Variants in TMC5 observed in about 807,000 individuals in gnomAD.
The protein encoded by TMC5 is transmembrane channel like 5.
Under a neutral mutation model 110.5 loss-of-function variants are expected in TMC5, and 86 were observed. That is an observed-to-expected ratio of 0.78 (90% CI 0.65 to 0.93). The LOEUF (loss-of-function observed/expected upper bound fraction) is 0.93, where lower values mean the gene tolerates loss of function less well. Among genes scored for constraint, TMC5 ranks in the 40% least tolerant of loss-of-function variants. The pLI is 0.00. For missense variants in TMC5, 1,144 were observed against 1,222.8 expected, an observed-to-expected ratio of 0.94 and a Z score of 0.96; for synonymous variants, 455 against 439.5, an observed-to-expected ratio of 1.04 and a Z score of -0.44.
At chr16:19,427,682 G>T (rs1967112970) in intron 1 of TMC5, among the ~76,000 whole-genome samples, 2 of 151,814 alleles carry the variant, frequency 1.3e-5, no homozygotes, top group Non-Finnish European at 2.9e-5. Flanking sequence ...ATTGTGGGGA[G>T]GCCAGTCTTG....
chr16:19,410,906 C>A (rs1966854272), exon 1 of TMC5: 1 of 152,274 alleles, frequency 6.6e-6, no homozygotes, highest in South Asian at 2.1e-4. Flanking sequence ...TGCGGGGCGC[C>A]CAAGCGTGGC....
Position 19,486,964 on chromosome 16 carries a change from C to T in TMC5, c.2383C>T (p.Pro795Ser). 1 of 1,614,092 alleles carries T rather than the reference C, an allele frequency of 6.2e-7. No homozygotes were observed. Among genetic ancestry groups the T allele is most frequent in the African/African-American group, 1.3e-5 (1 of 75,044 alleles). Reference protein sequence around the residue: ...TLVWIGIFFCPLLPFIQMIML... With the variant: ...TLVWIGIFFCSLLPFIQMIML... ...TCACAGGATTGGCATCTTCTTCTGC[C>T]CCCTGCTGCCCTTTATCCAAATGAT... The change falls in exon 16 of 22, where the codon CCC (proline) becomes TCC (serine). Residue 795 changes from proline (P) to serine (S), a missense_variant. Transcript: ENST00000542583.
At chr16:19,429,814 G>A (rs1208496156) in intron 1 of TMC5, among the ~76,000 whole-genome samples, 3 of 151,880 alleles carry the variant, frequency 2.0e-5, no homozygotes, top group African/African-American at 7.3e-5. Flanking sequence ...ACCTGCCTCG[G>A]CCTCCCAAAG....
At chr16:19,477,555 C>G (rs1313720499) in intron 13 of TMC5, 37 bp downstream of exon 13, 1 of 1,478,440 alleles carries the variant, frequency 6.8e-7, no homozygotes, top group Non-Finnish European at 9.3e-7. Context: ...AGTTTGGTTT[C>G]TTAGCATTTG....
At chr16:19,441,767 G>C (rs1967495072) in intron 3 of TMC5, among the ~76,000 whole-genome samples, 1 of 151,952 alleles carries the variant, frequency 6.6e-6, no homozygotes, top group South Asian at 2.1e-4. Context: ...TTTAAGGCCG[G>C]TTTTTTGTTG....
intron 10 of TMC5, among the ~76,000 whole-genome samples, chr16:19,470,308 C>G (rs1968304872): frequency 1.3e-5 from 2 of 152,116 alleles, no homozygotes; most frequent in Non-Finnish European, 2.9e-5. Flanking sequence ...GCTACATCAG[C>G]CTCCCAAGTA....
rs879689476 is a variant in TMC5, at chr16:19,434,505, G to T, written c.-80+3865G>T. 7.1e-3 allele frequency among the ~76,000 whole-genome samples: 792 copies of T among 111,384 alleles called. 16 individuals are homozygous for T. Among genetic ancestry groups the T allele is most frequent in the Non-Finnish European group, 0.011 (558 of 50,838 alleles). 73.1% of individuals were successfully genotyped at this position (111,384 alleles called of 152,430 possible). A position where few individuals can be genotyped will look rare whatever the true frequency, so the allele number is the denominator to read the frequency against. Reference sequence around the variant, plus strand: ...ATAGATAGATAGATATAGAGAGAGAGAGAGATGGGGGTCTTGCTATGTTGC... The same window carrying T: ...ATAGATAGATAGATATAGAGAGAGATAGAGATGGGGGTCTTGCTATGTTGC... On this transcript the variant is annotated intron_variant, in intron 2 of 21. Coordinates refer to ENST00000542583, the MANE Select transcript of TMC5 (RefSeq NM_001261841.2).
intron 2 of TMC5, among the ~76,000 whole-genome samples, chr16:19,439,491 A>G (rs1417388907): frequency 6.6e-6 from 1 of 152,220 alleles, no homozygotes; most frequent in African/African-American, 2.4e-5. Flanking sequence ...GCATGTGTTA[A>G]AGACCACAAA....
At chr16:19,476,926 A>C (rs1025359423) in intron 12 of TMC5, 1 of 158,926 alleles carries the variant, frequency 6.3e-6, no homozygotes, top group Non-Finnish European at 1.4e-5. Context: ...AGAGTCTCAC[A>C]GGGGCATTAA....
chr16:19,414,704 C>T (rs1415501279), upstream of TMC5, among the ~76,000 whole-genome samples: 7 of 151,918 alleles, frequency 4.6e-5, no homozygotes, highest in Admixed American at 3.3e-4. Flanking sequence ...ATCAGGAGTT[C>T]GAGACCAGCC....
chr16:19,441,473 A>G (rs1305348178), intron 3 of TMC5, among the ~76,000 whole-genome samples: 2 of 151,798 alleles, frequency 1.3e-5, no homozygotes, highest in Non-Finnish European at 2.9e-5. Flanking sequence ...GTGTGCACCT[A>G]TTATGCCCGG....
At chr16:19,420,569 T>A (rs1189301289) in intron 1 of TMC5, among the ~76,000 whole-genome samples, 1 of 152,194 alleles carries the variant, frequency 6.6e-6, no homozygotes, top group East Asian at 1.9e-4. Flanking sequence ...CAAGTCATCA[T>A]CCAGGCTCAG....
intron 10 of TMC5, 22 bp from the exon 11 acceptor site, chr16:19,472,066 C>A: frequency 6.2e-7 from 1 of 1,604,768 alleles, no homozygotes; most frequent in Non-Finnish European, 8.5e-7. Flanking sequence ...CAGCCATAAA[C>A]TTGACTTTCT....
chr16:19,418,617 ATTTAC>A (rs1416277294), intron 1 of TMC5, among the ~76,000 whole-genome samples: 2 of 151,414 alleles, frequency 1.3e-5, no homozygotes, highest in East Asian at 1.9e-4. Context: ...AAAAAAATCT[ATTTAC>A]TTCTTTATGG....
Position 19,425,001 on chromosome 16 carries a change from C to T in TMC5, c.-307-5412C>T, listed in dbSNP as rs74013765. Among the ~76,000 whole-genome samples, 1,279 of 152,232 alleles carry T rather than the reference C, an allele frequency of 8.4e-3. 21 individuals carry two copies. The highest frequency in any genetic ancestry group is 0.029 in the African/African-American group (1,222 of 41,528). On this transcript the variant is annotated intron_variant, in intron 1 of 21. Coordinates refer to ENST00000542583, the MANE Select transcript of TMC5 (RefSeq NM_001261841.2). ...GCCTCATTGGAACAAAAGACATTCC[C>T]GTAACCCAGGAATTTCCAAGGGATT...
At chr16:19,474,316 A>G (rs1968432545) in intron 12 of TMC5, 40 bp downstream of exon 12, 1 of 1,598,286 alleles carries the variant, frequency 6.3e-7, no homozygotes. Flanking sequence ...CTCTATTTCC[A>G]CAGAGAGAAG....
chr16:19,456,779 C>A (rs1271126101), intron 5 of TMC5: 1 of 1,614,048 alleles, frequency 6.2e-7, no homozygotes, highest in South Asian at 1.1e-5. Flanking sequence ...CCAAAGCCAC[C>A]CATCCTCAAA....
chr16:19,496,494 G>A (rs1221619452), intron 20 of TMC5, among the ~76,000 whole-genome samples: 1 of 152,118 alleles, frequency 6.6e-6, no homozygotes, highest in Non-Finnish European at 1.5e-5. Context: ...GGATCTAGAG[G>A]CCTAAAGGTA....
At chr16:19,477,885 A>C (rs1195710825) in intron 13 of TMC5, among the ~76,000 whole-genome samples, 3 of 152,182 alleles carry the variant, frequency 2.0e-5, no homozygotes, top group African/African-American at 7.2e-5. Flanking sequence ...CTGTCCTAAC[A>C]GCTTTGGGGT....
Sources: gnomAD v4.1 joint callset for allele counts (sites outside exome capture counted in the v4.1 genomes callset) on GRCh38, gnomAD v4.1.1 for gene constraint, MANE v1.5 for transcripts, NCBI Gene and HGNC (gene_info 2026-07-23, HGNC 2026-07-21) for gene names.